Variants in ILRUN observed in about 807,000 individuals in gnomAD.
The protein encoded by ILRUN is protein ILRUN.
In ILRUN, 3 loss-of-function variants were observed where a neutral mutation model predicts 33.8. The observed-to-expected ratio is 0.09, with a 90% CI of 0.04 to 0.23. The LOEUF is 0.23. Ranked by LOEUF, ILRUN falls within the 10% of genes least tolerant of loss-of-function variation. The pLI is 1.00. For synonymous variants in ILRUN, 124 were observed against 138.9 expected, an observed-to-expected ratio of 0.89 and a Z score of 0.75; for missense variants, 210 against 375.1, an observed-to-expected ratio of 0.56 and a Z score of 3.64.
intron 3 of ILRUN, among the ~76,000 whole-genome samples, chr6:34,640,276 C>T (rs1170597550): frequency 1.3e-5 from 2 of 151,870 alleles, no homozygotes; most frequent in Non-Finnish European, 2.9e-5. Context: ...AAAGCACGCC[C>T]ACTGAGAAAC....
intron 3 of ILRUN, among the ~76,000 whole-genome samples, chr6:34,636,165 T>C (rs1762364194): frequency 6.6e-6 from 1 of 152,080 alleles, no homozygotes; most frequent in Non-Finnish European, 1.5e-5. Context: ...GGAGGACTGC[T>C]TGAGCCCAAG....
intron 1 of ILRUN, among the ~76,000 whole-genome samples, chr6:34,657,578 G>A (rs745775956): frequency 6.6e-5 from 10 of 152,184 alleles, no homozygotes; most frequent in Non-Finnish European, 1.5e-4. Context: ...CTGGAATCCT[G>A]GCAGGAAGCT....
At chr6:34,696,274 C>T in intron 1 of ILRUN, 172 bp downstream of exon 1, 1 of 664,250 alleles carries the variant, frequency 1.5e-6, no homozygotes, top group Non-Finnish European at 2.5e-6. Context: ...CCTGCTCAGC[C>T]CCCAAATACT....
chr6:34,605,263 G>A (rs370519207), intron 4 of ILRUN, among the ~76,000 whole-genome samples: 219 of 140,456 alleles, frequency 1.6e-3, no homozygotes, highest in African/African-American at 5.5e-3. Flanking sequence ...CCGAGATTGC[G>A]CCACTGCACT....
chr6:34,678,771 C>T (rs1236330421), intron 1 of ILRUN, among the ~76,000 whole-genome samples: 2 of 137,580 alleles, frequency 1.5e-5, no homozygotes, highest in Non-Finnish European at 1.5e-5. Context: ...AGGAGAATGG[C>T]GAGAACCCGG....
intron 1 of ILRUN, among the ~76,000 whole-genome samples, chr6:34,677,191 C>G (rs1763253934): frequency 6.6e-6 from 1 of 151,930 alleles, no homozygotes; most frequent in African/African-American, 2.4e-5. Flanking sequence ...CCTGTAATCC[C>G]AGGTACCAGG....
chr6:34,656,235 CAAAA>C (rs562655955), intron 1 of ILRUN, among the ~76,000 whole-genome samples: 2 of 61,808 alleles, frequency 3.2e-5, no homozygotes, highest in African/African-American at 1.1e-4. Context: ...GACTCCGTCT[CAAAA>C]AAAAAAAAAA....
chr6:34,597,312 T>C (rs1368287340), intron 4 of ILRUN, among the ~76,000 whole-genome samples: 1 of 152,204 alleles, frequency 6.6e-6, no homozygotes, highest in South Asian at 2.1e-4. Flanking sequence ...AGAATCCAAG[T>C]GGGATGCTGT....
intron 3 of ILRUN, among the ~76,000 whole-genome samples, chr6:34,629,258 T>G (rs777756857): frequency 4.6e-5 from 7 of 152,250 alleles, no homozygotes; most frequent in Non-Finnish European, 8.8e-5. Flanking sequence ...AAGTTGTCTA[T>G]TTTTCTTGAG....
chr6:34,654,962 T>C (rs986818130), intron 1 of ILRUN, among the ~76,000 whole-genome samples, 183 bp from the exon 2 acceptor site: 4 of 152,120 alleles, frequency 2.6e-5, no homozygotes, highest in African/African-American at 9.7e-5. Context: ...GACCAACAAA[T>C]TTGTGTATCA....
chr6:34,607,158 T>C (rs544978504), intron 3 of ILRUN, among the ~76,000 whole-genome samples: 19 of 152,258 alleles, frequency 1.2e-4, no homozygotes, highest in Non-Finnish European at 2.8e-4. Context: ...ACTCTATTTA[T>C]AAAAAGCTTA....
At chr6:34,651,429 T>A (rs941401350) in intron 2 of ILRUN, among the ~76,000 whole-genome samples, 22 of 152,002 alleles carry the variant, frequency 1.4e-4, no homozygotes, top group Non-Finnish European at 2.9e-4. Flanking sequence ...GGGGTTCTGA[T>A]TTGACAGTCT....
At chr6:34,652,285 T>C (rs1041599114) in intron 2 of ILRUN, among the ~76,000 whole-genome samples, 3 of 152,102 alleles carry the variant, frequency 2.0e-5, no homozygotes, top group East Asian at 1.9e-4. Context: ...TCAAGAAAAA[T>C]AGAAAATATG....
At chr6:34,630,242 T>C (rs1762216837) in intron 3 of ILRUN, among the ~76,000 whole-genome samples, 1 of 152,208 alleles carries the variant, frequency 6.6e-6, no homozygotes, top group South Asian at 2.1e-4. Context: ...TGGAATGCAA[T>C]TTAAAACTTA....
chr6:34,683,430 A>ATATTATATATACG (rs1763423264), intron 1 of ILRUN, among the ~76,000 whole-genome samples: 1 of 78,822 alleles, frequency 1.3e-5, no homozygotes, highest in African/African-American at 4.8e-5. Context: ...ATATATATAC[A>ATATTATATATACG]TATATATATA....
At chr6:34,603,406 G>T (rs910998232) in intron 4 of ILRUN, among the ~76,000 whole-genome samples, 14 of 152,250 alleles carry the variant, frequency 9.2e-5, no homozygotes, top group Admixed American at 9.1e-4. Flanking sequence ...AGGCCGAGGC[G>T]GGCGGATCAC....
chr6:34,640,309 G>T (rs1762443819), intron 3 of ILRUN, among the ~76,000 whole-genome samples: 1 of 152,020 alleles, frequency 6.6e-6, no homozygotes, highest in African/African-American at 2.4e-5. Context: ...CAGCCAAGCT[G>T]AAACAGGGTG....
chr6:34,668,905 G>A (rs577813744), intron 1 of ILRUN, among the ~76,000 whole-genome samples: 3 of 149,792 alleles, frequency 2.0e-5, no homozygotes, highest in Admixed American at 6.7e-5. Flanking sequence ...GTGCAATGGC[G>A]TAATCTTGGA....
chr6:34,614,305 C>G (rs1296907056), intron 3 of ILRUN, among the ~76,000 whole-genome samples: 1 of 151,398 alleles, frequency 6.6e-6, no homozygotes, highest in Admixed American at 6.6e-5. Context: ...ACCTGTAGTC[C>G]CAGCTACTCG....
Sources: allele counts gnomAD v4.1 joint callset (sites outside exome capture counted in the v4.1 genomes callset), GRCh38; gene constraint gnomAD v4.1.1; transcripts MANE v1.5; gene names NCBI Gene and HGNC (gene_info 2026-07-23, HGNC 2026-07-21).